The following GLI2 variants were observed in gnomAD, a reference collection of about 807,000 sequenced individuals.
The protein encoded by GLI2 is GLI family zinc finger 2.
GLI2 carries 22 observed loss-of-function variants against 78.9 expected under a neutral mutation model. The observed-to-expected ratio is 0.28, with a 90% CI of 0.20 to 0.40. GLI2 has a LOEUF of 0.40. GLI2 is among the 10% of genes least tolerant of loss of function. GLI2 has a pLI of 1.00. For synonymous variants in GLI2, 974 were observed against 963.7 expected, an observed-to-expected ratio of 1.01 and a Z score of -0.20; for missense variants, 2,097 against 2,213.2, an observed-to-expected ratio of 0.95 and a Z score of 1.05.
intron 2 of GLI2, chr2:120,867,359 G>A (rs1239955290): frequency 1.3e-5 from 2 of 152,350 alleles, no homozygotes; most frequent in South Asian, 2.1e-4. Flanking sequence ...CTGGATCCCC[G>A]AGTCCAGCCA....
intron 2 of GLI2, among the ~76,000 whole-genome samples, chr2:120,883,719 C>T (rs1677263459): frequency 6.6e-6 from 1 of 152,146 alleles, no homozygotes; most frequent in African/African-American, 2.4e-5. Context: ...AGATCTGAAC[C>T]CACTTCTGTC....
At chr2:120,987,848 T>G (rs1440965134) in intron 13 of GLI2, among the ~76,000 whole-genome samples, 2 of 152,216 alleles carry the variant, frequency 1.3e-5, no homozygotes. Context: ...GATAGGGACT[T>G]AGGCCTCCTG....
At chr2:120,816,967 T>A (rs756266835) in intron 2 of GLI2, among the ~76,000 whole-genome samples, 36 of 152,256 alleles carry the variant, frequency 2.4e-4, no homozygotes, top group Non-Finnish European at 4.3e-4. Flanking sequence ...GCACTTTGAA[T>A]GGATATTTTT....
chr2:120,739,658 C>T (rs895648678), intron 1 of GLI2, among the ~76,000 whole-genome samples: 1 of 152,260 alleles, frequency 6.6e-6, no homozygotes, highest in African/African-American at 2.4e-5. Context: ...ACAGCTGCAG[C>T]TGTTCCCGCT....
At chr2:120,945,536 G>A (rs1107444) in intron 3 of GLI2, among the ~76,000 whole-genome samples, 127,065 of 152,204 alleles carry the variant, frequency 0.83, 57,206 homozygotes, top group East Asian at 1. Flanking sequence ...ATTCTGGGCA[G>A]TGGGAAGCTG....
chr2:120,975,531 C>T (rs1211268790), intron 9 of GLI2, among the ~76,000 whole-genome samples: 1 of 152,066 alleles, frequency 6.6e-6, no homozygotes, highest in Non-Finnish European at 1.5e-5. Context: ...GTGAAAGAAG[C>T]TTCTCCCATG....
intron 2 of GLI2, among the ~76,000 whole-genome samples, chr2:120,821,062 C>G (rs920319501): frequency 6.6e-6 from 1 of 152,114 alleles, no homozygotes; most frequent in African/African-American, 2.4e-5. Flanking sequence ...AAAGTGTTTT[C>G]AGGGCCCAGA....
intron 2 of GLI2, among the ~76,000 whole-genome samples, chr2:120,805,965 T>G (rs1270629602): frequency 6.6e-6 from 1 of 152,212 alleles, no homozygotes; most frequent in Non-Finnish European, 1.5e-5. Context: ...ATTATTTATT[T>G]GTAACAATTT....
chr2:120,935,713 C>T (rs1441413551), intron 3 of GLI2, among the ~76,000 whole-genome samples: 1 of 152,190 alleles, frequency 6.6e-6, no homozygotes, highest in African/African-American at 2.4e-5. Flanking sequence ...ATTTTGACCC[C>T]CCACCCCTTG....
intron 5 of GLI2, among the ~76,000 whole-genome samples, chr2:120,960,928 G>A (rs996315676): frequency 6.6e-6 from 1 of 152,232 alleles, no homozygotes; most frequent in African/African-American, 2.4e-5. Flanking sequence ...AGACAGGAGC[G>A]CTGCTGTGTG....
At chr2:120,822,556 C>G (rs1255718404) in intron 2 of GLI2, among the ~76,000 whole-genome samples, 1 of 152,214 alleles carries the variant, frequency 6.6e-6, no homozygotes, top group African/African-American at 2.4e-5. Context: ...CTCCGCAAAT[C>G]ACCTGTTTAC....
chr2:120,841,196 C>A (rs1421415884), intron 2 of GLI2, among the ~76,000 whole-genome samples: 1 of 152,208 alleles, frequency 6.6e-6, no homozygotes, highest in African/African-American at 2.4e-5. Flanking sequence ...CCACTCCCTG[C>A]AAAAGACCCA....
In GLI2 at chr2:120,988,369, G is replaced by A. The variant is rs985023327; in HGVS notation, c.2404G>A (p.Val802Met). The A allele has an allele frequency of 6.4e-7, 1 of 1,568,500 alleles. No individual in the cohort carries two copies. The highest frequency in any genetic ancestry group is 8.6e-7 in the Non-Finnish European group (1 of 1,166,744). Residue 802 changes from valine to methionine, a missense_variant, in exon 14 of 14, where the codon GTG becomes ATG. Val to Met is a conservative substitution (Grantham distance 21, BLOSUM62 1). Transcript: ENST00000361492. Reference sequence around the variant, plus strand: ...CAGCACGGTCAGCTCGGCCTACACCGTGAGCCGCCGCTCCTCCGGCATCTC... The same window carrying A: ...CAGCACGGTCAGCTCGGCCTACACCATGAGCCGCCGCTCCTCCGGCATCTC... The part of the protein sequence containing the change: ...STSTVSSAYT[V>M]SRRSSGISPY...
chr2:120,931,638 C>T (rs1026405749), intron 3 of GLI2, among the ~76,000 whole-genome samples: 5 of 152,178 alleles, frequency 3.3e-5, no homozygotes, highest in Admixed American at 6.5e-5. Flanking sequence ...AGGCCAGGCA[C>T]GGCCCTGGGC....
At chr2:120,890,653 T>TAA (rs1278775962) in intron 2 of GLI2, among the ~76,000 whole-genome samples, 9 of 152,316 alleles carry the variant, frequency 5.9e-5, no homozygotes, top group Admixed American at 5.2e-4. Context: ...TGTTACTTCT[T>TAA]ACAGCTGCAT....
At chr2:120,785,205 A>G (rs1431981678) in intron 1 of GLI2, among the ~76,000 whole-genome samples, 1 of 152,106 alleles carries the variant, frequency 6.6e-6, no homozygotes, top group Non-Finnish European at 1.5e-5. Context: ...CCTCCTGGGC[A>G]TGCAGAGGAA....
intron 13 of GLI2, 104 bp from the exon 14 acceptor site, chr2:120,988,104 C>T (rs1300439055): frequency 2.1e-6 from 2 of 957,902 alleles, no homozygotes; most frequent in East Asian, 2.8e-5. Context: ...CGCTGTGTTG[C>T]AAGCCCTCTT....
chr2:120,821,039 C>T (rs768358842), intron 2 of GLI2, among the ~76,000 whole-genome samples: 4 of 152,022 alleles, frequency 2.6e-5, no homozygotes, highest in East Asian at 1.9e-4. Flanking sequence ...CCCACCTCCT[C>T]GAGGAAATGC....
chr2:120,901,617 C>T (rs1678260773), intron 2 of GLI2, among the ~76,000 whole-genome samples: 2 of 152,220 alleles, frequency 1.3e-5, no homozygotes, highest in Admixed American at 1.3e-4. Flanking sequence ...CCACGGAGTG[C>T]ACATCCTGTT....
Sources: allele counts gnomAD v4.1 joint callset (sites outside exome capture counted in the v4.1 genomes callset), GRCh38; gene constraint gnomAD v4.1.1; transcripts MANE v1.5; gene names NCBI Gene and HGNC (gene_info 2026-07-23, HGNC 2026-07-21).